The following PUM2 variants were observed in gnomAD, a reference collection of about 807,000 sequenced individuals.
PUM2 encodes the protein pumilio RNA binding family member 2.
A neutral mutation model predicts 124.5 loss-of-function variants in PUM2; 57 were observed. That is an observed-to-expected ratio of 0.46 (90% CI 0.37 to 0.57). The LOEUF (loss-of-function observed/expected upper bound fraction) is 0.57, where lower values mean the gene tolerates loss of function less well. Among genes scored for constraint, PUM2 ranks in the 20% least tolerant of loss-of-function variants. The pLI is 0.00. For missense variants in PUM2, 1,065 were observed against 1,290.6 expected (o/e 0.83, Z 2.68); for synonymous variants, 460 against 446.1 (o/e 1.03, Z -0.39).
chr2:20,266,985 T>C (rs1024390856), intron 13 of PUM2, among the ~76,000 whole-genome samples: 1 of 152,084 alleles, frequency 6.6e-6, no homozygotes, highest in African/African-American at 2.4e-5. Flanking sequence ...TCAAGAAACA[T>C]ACACTAATGT....
intron 15 of PUM2, 121 bp from the exon 16 acceptor site, chr2:20,258,492 GGTAGAA>G: frequency 1.1e-6 from 1 of 875,770 alleles, no homozygotes; most frequent in African/African-American, 1.7e-5. Context: ...GGGGCTTTAA[GGTAGAA>G]GCTAATTAAG....
chr2:20,315,688 T>C (rs537125276), intron 3 of PUM2, among the ~76,000 whole-genome samples: 20 of 152,104 alleles, frequency 1.3e-4, no homozygotes, highest in Admixed American at 5.2e-4. Context: ...TGGCTGGGCA[T>C]AGTGGCGCAT....
chr2:20,290,055 GATC>G (rs933235747), intron 10 of PUM2, among the ~76,000 whole-genome samples: 3 of 152,084 alleles, frequency 2.0e-5, no homozygotes, highest in Admixed American at 6.6e-5. Flanking sequence ...TATTATTAGT[GATC>G]ATTTCACAAA....
intron 15 of PUM2, among the ~76,000 whole-genome samples, chr2:20,259,872 C>T (rs1665745850): frequency 2.0e-5 from 3 of 152,192 alleles, no homozygotes; most frequent in African/African-American, 7.2e-5. Context: ...ATAGCAGCTA[C>T]ACCATTTTAC....
Position 20,322,740 on chromosome 2 carries a change from T to C in PUM2, c.52-4095A>G, listed in dbSNP as rs931322774. 2.6e-5 allele frequency among the ~76,000 whole-genome samples: 4 copies of C among 151,978 alleles called. No homozygotes were observed. In the East Asian group the frequency reaches 7.7e-4, roughly 29 times the overall value. On this transcript the variant is annotated intron_variant, in intron 2 of 20. Coordinates refer to ENST00000361078, the MANE Select transcript of PUM2 (RefSeq NM_015317.5). ...ATCACTTTAGGCCAAGGGTCAGAGG[T>C]TGCAGTAAGTTGAGACAATGCCACT...
intron 10 of PUM2, among the ~76,000 whole-genome samples, chr2:20,289,164 G>C (rs949560099): frequency 2.0e-5 from 3 of 152,086 alleles, no homozygotes; most frequent in Admixed American, 1.3e-4. Context: ...GGGTGTGGTG[G>C]CACGTGCCTA....
chr2:20,256,137 G>A lies in PUM2; in HGVS notation c.2518C>T (p.Leu840Phe). ...EMVKELDGHV[L>F]KCVKDQNGNH... ...CCATTCTGATCTTTCACACATTTGA[G>A]CACATGACCATCCAGCTCCTTTACC... Residue 840 changes from leucine to phenylalanine, a missense_variant, in exon 17 of 21, where the codon CTC becomes TTC. Around this residue, in one of 3 missense-constraint regions of PUM2, gnomAD observed 968 missense variants for 1,159.8 expected, o/e 0.83. Transcript: ENST00000361078. 6.3e-7 allele frequency: 1 copy of A among 1,599,082 alleles called. No individual in the cohort carries two copies.
chr2:20,336,296 C>T (rs1572994449), intron 1 of PUM2, among the ~76,000 whole-genome samples: 1 of 151,754 alleles, frequency 6.6e-6, no homozygotes, highest in Non-Finnish European at 1.5e-5. Flanking sequence ...AGTGATCCAT[C>T]TACTCAGTAT....
At chr2:20,338,796 T>C (rs1686641610) in intron 1 of PUM2, among the ~76,000 whole-genome samples, 1 of 152,214 alleles carries the variant, frequency 6.6e-6, no homozygotes, top group Non-Finnish European at 1.5e-5. Context: ...AACCAATCTA[T>C]GCTCCTATCA....
chr2:20,270,454 C>G (rs1052405988), intron 13 of PUM2, among the ~76,000 whole-genome samples: 1 of 152,102 alleles, frequency 6.6e-6, no homozygotes, highest in Non-Finnish European at 1.5e-5. Flanking sequence ...AATTCTGATC[C>G]TACACAAACA....
At chr2:20,316,180 T>G (rs1266700240) in intron 3 of PUM2, among the ~76,000 whole-genome samples, 1 of 152,220 alleles carries the variant, frequency 6.6e-6, no homozygotes, top group Non-Finnish European at 1.5e-5. Context: ...CAAAGGAAAT[T>G]TATAATGTTT....
intron 7 of PUM2, among the ~76,000 whole-genome samples, chr2:20,304,172 A>G (rs1362738046): frequency 6.6e-6 from 1 of 152,182 alleles, no homozygotes; most frequent in Non-Finnish European, 1.5e-5. Context: ...CTCAACCCCC[A>G]AAGCCTGAAC....
intron 1 of PUM2, among the ~76,000 whole-genome samples, chr2:20,349,249 A>T (rs1005593937): frequency 6.6e-6 from 1 of 152,238 alleles, no homozygotes; most frequent in Non-Finnish European, 1.5e-5. Flanking sequence ...AACAAAATTT[A>T]AAAACTGGAC....
chr2:20,350,702 T>A lies in PUM2; in HGVS notation c.-124A>T, dbSNP rs1689190651. 1.0e-6 allele frequency: 1 copy of A among 982,632 alleles called. No homozygotes were observed. Among genetic ancestry groups the A allele is most frequent in the African/African-American group, 1.8e-5 (1 of 56,542 alleles). 60.9% of individuals were successfully genotyped at this position (982,632 alleles called of 1,614,324 possible). On this transcript the variant is annotated 5_prime_UTR_variant, in exon 1 of 21. Coordinates refer to ENST00000361078, the MANE Select transcript of PUM2 (RefSeq NM_015317.5). Reference sequence around the variant, plus strand: ...CCTCCTCCGCCTTCGGTGGCGGCAATGTCTTCTTTCTCCACCTACCACCCT... The same window carrying A: ...CCTCCTCCGCCTTCGGTGGCGGCAAAGTCTTCTTTCTCCACCTACCACCCT...
intron 13 of PUM2, among the ~76,000 whole-genome samples, chr2:20,267,080 T>TA (rs1667840962): frequency 2.6e-5 from 4 of 151,790 alleles, no homozygotes; most frequent in African/African-American, 9.7e-5. Context: ...TGGAGTGCAG[T>TA]GATGCAATCT....
intron 13 of PUM2, among the ~76,000 whole-genome samples, chr2:20,277,871 CCT>C (rs1054301027): frequency 2.0e-5 from 3 of 151,822 alleles, no homozygotes; most frequent in Non-Finnish European, 1.5e-5. Context: ...ATACACAGCC[CCT>C]GATATCCAAA....
At position 20,308,490 on chromosome 2, in the gene PUM2, T is replaced by C; in HGVS notation, c.613A>G (p.Asn205Asp). 6.2e-7 allele frequency: 1 copy of C among 1,614,158 alleles called. No individual in the cohort carries two copies. The highest frequency in any genetic ancestry group is 8.5e-7 in the Non-Finnish European group (1 of 1,179,994). ...NPSEGLGPLP[N>D]PTANKPLVEE... ...ACAAGTGGTTTATTAGCTGTAGGAT[T>C]AGGAAGAGGCCCCAGTCCTTCTGAG... Residue 205 changes from asparagine to aspartate, a missense_variant, in exon 6 of 21, where the codon AAT becomes GAT. Transcript: ENST00000361078.
At chr2:20,304,597 A>G (rs1334696355) in intron 7 of PUM2, among the ~76,000 whole-genome samples, 1 of 152,228 alleles carries the variant, frequency 6.6e-6, no homozygotes, top group Non-Finnish European at 1.5e-5. Context: ...GACCAAACCC[A>G]TATGGTATGC....
At chr2:20,339,590 G>A (rs985088248) in intron 1 of PUM2, among the ~76,000 whole-genome samples, 1 of 152,116 alleles carries the variant, frequency 6.6e-6, no homozygotes, top group Non-Finnish European at 1.5e-5. Context: ...AAAGAAAAAA[G>A]AAAAGCAGGC....
Sources: gnomAD v4.1 joint callset for allele counts (sites outside exome capture counted in the v4.1 genomes callset) on GRCh38, gnomAD v4.1.1 for gene constraint, gnomAD v4.1.1 regional missense constraint, MANE v1.5 for transcripts, NCBI Gene and HGNC (gene_info 2026-07-23, HGNC 2026-07-21) for gene names.